The following CELF2 variants were observed in gnomAD, a reference collection of about 807,000 sequenced individuals.
CELF2 encodes CUG triplet repeat RNA-binding protein 2.
In CELF2, 8 loss-of-function variants were observed where a neutral mutation model predicts 62.6. The ratio of observed to expected loss-of-function variants is 0.13; its 90% CI spans 0.07 to 0.23. The LOEUF is 0.23. Ranked by LOEUF, CELF2 falls within the 10% of genes least tolerant of loss-of-function variation. The probability of loss-of-function intolerance (pLI) is 1.00; values close to 1 mark genes in which losing one functional copy is unlikely to be tolerated. For missense variants in CELF2, 333 were observed against 671.0 expected, an observed-to-expected ratio of 0.50 and a Z score of 5.56; for synonymous variants, 258 against 250.0, an observed-to-expected ratio of 1.03 and a Z score of -0.30.
chr10:10,948,044 A>G (rs1222033482), intron 2 of CELF2, among the ~76,000 whole-genome samples: 1 of 152,190 alleles, frequency 6.6e-6, no homozygotes, highest in Non-Finnish European at 1.5e-5. Context: ...AAATTTAAAC[A>G]TTCCAGAGGG....
the CELF2 span, among the ~76,000 whole-genome samples, chr10:10,511,084 T>G: frequency 6.6e-6 from 1 of 152,200 alleles, no homozygotes; most frequent in African/African-American, 2.4e-5. Flanking sequence ...GGTTTTGAGC[T>G]AGAGAGTTAT....
At chr10:10,582,405 G>A in the CELF2 span, among the ~76,000 whole-genome samples, 3 of 152,140 alleles carry the variant, frequency 2.0e-5, no homozygotes, top group African/African-American at 7.2e-5. Context: ...GCCTGAGATA[G>A]TTTTCCGAGA....
the CELF2 span, among the ~76,000 whole-genome samples, chr10:10,768,499 G>T: frequency 1.5e-4 from 23 of 151,940 alleles, no homozygotes. Flanking sequence ...TGAAGAAGTT[G>T]AATGTATGAA....
At chr10:10,524,297 A>G in the CELF2 span, among the ~76,000 whole-genome samples, 16,454 of 151,854 alleles carry the variant, frequency 0.11, 996 homozygotes, top group East Asian at 0.23. Flanking sequence ...TTAAAAGATT[A>G]TGTTCCTTCT....
chr10:10,737,067 T>C, the CELF2 span, among the ~76,000 whole-genome samples: 1 of 152,220 alleles, frequency 6.6e-6, no homozygotes, highest in Non-Finnish European at 1.5e-5. Flanking sequence ...GTTTCTGAGA[T>C]GTTTCAGGAA....
the CELF2 span, among the ~76,000 whole-genome samples, chr10:10,603,254 T>C: frequency 1.3e-5 from 2 of 152,036 alleles, no homozygotes; most frequent in Non-Finnish European, 2.9e-5. Context: ...TAAATCTGTT[T>C]TAAAGCAATG....
intron 1 of CELF2, among the ~76,000 whole-genome samples, chr10:10,854,284 G>T (rs2059574212): frequency 6.6e-6 from 1 of 152,154 alleles, no homozygotes; most frequent in Non-Finnish European, 1.5e-5. Flanking sequence ...TTGGGGGAAG[G>T]GTGCTTATTG....
chr10:10,821,290 C>T (rs1014803683), intron 1 of CELF2, among the ~76,000 whole-genome samples: 4 of 152,138 alleles, frequency 2.6e-5, no homozygotes. Flanking sequence ...CTTTCTAGAC[C>T]TCACTTGTGT....
intron 1 of CELF2, among the ~76,000 whole-genome samples, chr10:10,874,365 TGAAA>T (rs2060953316): frequency 1.3e-5 from 2 of 151,154 alleles, no homozygotes; most frequent in South Asian, 4.2e-4. Flanking sequence ...CTCTGTCTCT[TGAAA>T]GAAAGAAAAT....
intron 2 of CELF2, among the ~76,000 whole-genome samples, chr10:10,978,345 C>G (rs572394506): frequency 6.6e-6 from 1 of 152,184 alleles, no homozygotes; most frequent in Non-Finnish European, 1.5e-5. Context: ...AGAAGGGAAA[C>G]TATTCACCTG....
At chr10:11,031,297 A>G (rs939783652) in intron 1 of CELF2, among the ~76,000 whole-genome samples, 18 of 152,126 alleles carry the variant, frequency 1.2e-4, no homozygotes, top group Non-Finnish European at 2.4e-4. Flanking sequence ...TCTATGCAGG[A>G]TATCAGTGGA....
rs2060809460 is a variant in CELF2, at chr10:11,207,806, G to A, written c.272-9619G>A. On this transcript the variant is annotated intron_variant, in intron 2 of 12. Transcript: ENST00000633077. The surrounding 1 kb of genome is among the most constrained non-coding windows in gnomAD (Gnocchi z 4.1). The stretch of plus-strand genomic sequence containing the variant: ...TATAAAACTAAGCTAATTGGATACG[G>A]TTTCCTTAAAAGTAGATTTCTACAG... Among the ~76,000 whole-genome samples, 1 of 152,216 alleles carries A rather than the reference G, an allele frequency of 6.6e-6. No individual in the cohort carries two copies. Among genetic ancestry groups the A allele is most frequent in the Admixed American group, 6.5e-5 (1 of 15,294 alleles).
rs1363739169 is a variant in CELF2 at position 11,069,674 on chromosome 10, G to A, written c.74+51511G>A. 3.3e-5 allele frequency among the ~76,000 whole-genome samples: 5 copies of A among 152,156 alleles called. 1 individual carries two copies. The highest frequency in any genetic ancestry group is 1.2e-4 in the African/African-American group (5 of 41,418). On this transcript the variant is annotated intron_variant, in intron 1 of 12. Transcript: ENST00000633077. ...GTGTGTATACAGAGGTGGTTAGAAGGAATATATGATGTAGAAATGAAAAGA... is the reference window on the plus strand; with the variant it reads ...GTGTGTATACAGAGGTGGTTAGAAGAAATATATGATGTAGAAATGAAAAGA...
chr10:10,719,639 T>A, the CELF2 span, among the ~76,000 whole-genome samples: 1 of 152,170 alleles, frequency 6.6e-6, no homozygotes, highest in Admixed American at 6.5e-5. Context: ...AACTGCATAA[T>A]CACCCTAGAG....
the CELF2 span, among the ~76,000 whole-genome samples, chr10:10,775,984 G>T: frequency 6.6e-6 from 1 of 152,170 alleles, no homozygotes. Context: ...AGCTGGGCCT[G>T]CCCAATGTGT....
At chr10:10,752,979 A>G in the CELF2 span, among the ~76,000 whole-genome samples, 1 of 152,172 alleles carries the variant, frequency 6.6e-6, no homozygotes, top group Non-Finnish European at 1.5e-5. Flanking sequence ...CACATAACGT[A>G]CTTAAAGACA....
In CELF2 at chr10:10,928,594, A is replaced by G. The variant is rs761218246; in HGVS notation, c.89+8595A>G. 7.2e-5 allele frequency among the ~76,000 whole-genome samples: 11 copies of G among 152,216 alleles called. No homozygotes were observed. The highest frequency in any genetic ancestry group is 1.5e-4 in the Non-Finnish European group (10 of 68,046). ...GTTGAGTAGCTGTGGCAGAGACGGTATAGCCCCCAAACTGAAAATATTTAC... is the reference window on the plus strand; with the variant it reads ...GTTGAGTAGCTGTGGCAGAGACGGTGTAGCCCCCAAACTGAAAATATTTAC... On this transcript the variant is annotated intron_variant, in intron 2 of 13. Transcript: ENST00000636488. The surrounding 1 kb of genome is among the most constrained non-coding windows in gnomAD (Gnocchi z 4.8).
intron 1 of CELF2, among the ~76,000 whole-genome samples, chr10:11,053,916 A>G (rs1383211216): frequency 6.6e-6 from 1 of 152,026 alleles, no homozygotes; most frequent in African/African-American, 2.4e-5. Context: ...ACCCGGCCTG[A>G]TATTTCTTGA....
intron 1 of CELF2, among the ~76,000 whole-genome samples, chr10:11,112,263 C>T (rs965705722): frequency 6.6e-6 from 1 of 152,164 alleles, no homozygotes; most frequent in South Asian, 2.1e-4. Flanking sequence ...GAATAATGAG[C>T]TTTTTCCTTT....
Sources: gnomAD v4.1 joint callset for allele counts (sites outside exome capture counted in the v4.1 genomes callset) on GRCh38, gnomAD v4.1.1 for gene constraint, Gnocchi (gnomAD v3.1) non-coding constraint, MANE v1.5 for transcripts, NCBI Gene and HGNC (gene_info 2026-07-23, HGNC 2026-07-21) for gene names.